The following DACH2 variants were observed in gnomAD, a reference collection of about 807,000 sequenced individuals.
The protein encoded by DACH2 is dachshund homolog 2.
In DACH2, 17 loss-of-function variants were observed where a neutral mutation model predicts 35.8. That is an observed-to-expected ratio of 0.48 (90% CI 0.33 to 0.71). The LOEUF (loss-of-function observed/expected upper bound fraction) is 0.71. Among genes scored for constraint, DACH2 ranks in the 30% least tolerant of loss-of-function variants. The pLI is 0.02. For missense variants in DACH2, 469 were observed against 472.7 expected, an observed-to-expected ratio of 0.99 and a Z score of 0.07; for synonymous variants, 195 against 177.3, an observed-to-expected ratio of 1.10 and a Z score of -0.79.
At chrX:86,468,206 AGGCACTAATACAGAATAT>A (rs1407607989) in intron 2 of DACH2, among the ~76,000 whole-genome samples, 3 of 111,967 alleles carry the variant, frequency 2.7e-5, no homozygotes, top group Non-Finnish European at 5.6e-5. Context: ...ATCAATGCTT[AGGCACTAATACAGAATAT>A]GGCAAAAAGA....
At chrX:86,347,923 T>C (rs2035524738) in intron 1 of DACH2, among the ~76,000 whole-genome samples, 1 of 112,184 alleles carries the variant, frequency 8.9e-6, no homozygotes, top group Non-Finnish European at 1.9e-5. Flanking sequence ...TTGCAGATCT[T>C]ATTTTCCCTC....
intron 2 of DACH2, among the ~76,000 whole-genome samples, chrX:86,493,823 CATA>C (rs2038128259): frequency 1.8e-5 from 2 of 111,886 alleles, no homozygotes; most frequent in Non-Finnish European, 1.9e-5. Context: ...ATAACAACTT[CATA>C]ATAATAATAC....
intron 1 of DACH2, among the ~76,000 whole-genome samples, chrX:86,361,030 C>A (rs994954030): frequency 1.8e-5 from 2 of 111,215 alleles, no homozygotes; most frequent in Admixed American, 1.9e-4. Context: ...ATAAAACCTG[C>A]AATAAACTTT....
At chrX:86,818,781 A>G (rs1417623758) in intron 11 of DACH2, among the ~76,000 whole-genome samples, 1 of 110,182 alleles carries the variant, frequency 9.1e-6, no homozygotes, top group Non-Finnish European at 1.9e-5. Flanking sequence ...TAGCTCTCCT[A>G]GATAGAAATC....
At chrX:86,832,060 C>G in intron 11 of DACH2, 46 bp from the exon 12 acceptor site, 1 of 930,705 alleles carries the variant, frequency 1.1e-6, no homozygotes, top group African/African-American at 1.9e-5. Flanking sequence ...AAGCACGTAT[C>G]AGAATGACTC....
At chrX:86,172,669 A>C (rs1381775716) in intron 1 of DACH2, among the ~76,000 whole-genome samples, 2 of 112,001 alleles carry the variant, frequency 1.8e-5, no homozygotes, top group Admixed American at 1.9e-4. Context: ...TGAGCAAACA[A>C]ATTTAATTAG....
chrX:86,702,822 T>C (rs2088191967), intron 5 of DACH2, among the ~76,000 whole-genome samples: 1 of 111,366 alleles, frequency 9.0e-6, no homozygotes, highest in African/African-American at 3.3e-5. Flanking sequence ...GCTAGATGGA[T>C]TGAAAGCCAA....
At chrX:86,468,577 A>G (rs2037711415) in intron 2 of DACH2, among the ~76,000 whole-genome samples, 1 of 111,859 alleles carries the variant, frequency 8.9e-6, no homozygotes, top group Non-Finnish European at 1.9e-5. Context: ...TTTCATGCTA[A>G]AGATATAAAC....
chrX:86,423,302 C>A (rs751891099), intron 2 of DACH2, among the ~76,000 whole-genome samples: 6 of 110,969 alleles, frequency 5.4e-5, no homozygotes, highest in African/African-American at 2.0e-4. Flanking sequence ...AGGAGGCTTT[C>A]CTTTACTCCA....
At chrX:86,228,627 T>A (rs963647660) in intron 1 of DACH2, among the ~76,000 whole-genome samples, 4 of 111,198 alleles carry the variant, frequency 3.6e-5, no homozygotes, top group African/African-American at 9.8e-5. Context: ...CAACATCTAC[T>A]GTTTTTTGAT....
At chrX:86,669,883 A>G (rs930930279) in intron 4 of DACH2, among the ~76,000 whole-genome samples, 18 of 111,145 alleles carry the variant, frequency 1.6e-4, no homozygotes, top group African/African-American at 5.9e-4. Context: ...TTTATTTGCT[A>G]TGATAACTAG....
Position 86,207,376 on chromosome X carries a change from G to A in DACH2, c.488+58268G>A, listed in dbSNP as rs538279037. Among the ~76,000 whole-genome samples, 3 of 110,973 alleles carry A rather than the reference G, an allele frequency of 2.7e-5. No individual in the cohort carries two copies. The South Asian group carries it at 1.1e-3, about 42-fold the overall frequency. On this transcript the variant is annotated intron_variant, in intron 1 of 11. Transcript: ENST00000373125. Reference sequence around the variant, plus strand: ...CATCATATTGCTTTGGCACTGGTGCGAGGATCATTTTAGTGGATGTATTGC... The same window carrying A: ...CATCATATTGCTTTGGCACTGGTGCAAGGATCATTTTAGTGGATGTATTGC...
rs182475073 is a variant in DACH2 at position 86,209,707 on chromosome X, G to A, written c.488+60599G>A. ...CCTTCACATGAGTGAGTGGAAGGAG[G>A]CTTAGAGGGAGGAGCTGGCCTCCTA... On this transcript the variant is annotated intron_variant, in intron 1 of 11. Transcript: ENST00000373125. Among the ~76,000 whole-genome samples the A allele has an allele frequency of 6.3e-5, 7 of 111,056 alleles. No homozygotes were observed. In the East Asian group the frequency reaches 2.0e-3, roughly 32 times the overall value.
intron 5 of DACH2, among the ~76,000 whole-genome samples, chrX:86,711,047 T>G (rs749341375): frequency 1.8e-5 from 2 of 112,111 alleles, no homozygotes; most frequent in East Asian, 2.8e-4. Context: ...ACATAAAAAT[T>G]ATAGGAGTTG....
In DACH2 at chrX:86,148,833, C is replaced by T. The variant is rs199943928; in HGVS notation, c.213C>T (p.Val71=). The change falls in exon 1 of 12, where the codon GTC becomes GTT. Residue 71 remains valine (V), a synonymous_variant. Coordinates refer to ENST00000373125, the MANE Select transcript of DACH2 (RefSeq NM_053281.3). ...CCAACACCAACGAGTGCCGCATGGT[C>T]GACATGCACGGGATGAAGGTGGCTT... ...GNTNTNECRM[V]DMHGMKVASF... is the part of the protein sequence containing the mutation. The T allele has an allele frequency of 2.0e-5, 24 of 1,209,549 alleles. No individual in the cohort carries two copies. In the East Asian group the frequency reaches 5.3e-4, roughly 27 times the overall value.
chrX:86,404,601 C>CT (rs1423413694), intron 2 of DACH2, among the ~76,000 whole-genome samples: 1 of 112,332 alleles, frequency 8.9e-6, no homozygotes, highest in Non-Finnish European at 1.9e-5. Context: ...TACAACCCTG[C>CT]TTCTGGCTGC....
At chrX:86,506,738 C>G (rs1602591515) in intron 2 of DACH2, among the ~76,000 whole-genome samples, 1 of 111,668 alleles carries the variant, frequency 9.0e-6, no homozygotes, top group Non-Finnish European at 1.9e-5. Flanking sequence ...ATTGGCTCAC[C>G]TGGACAATCT....
At chrX:86,160,826 C>A in intron 1 of DACH2, 1 of 492,171 alleles carries the variant, frequency 2.0e-6, no homozygotes. Flanking sequence ...AGGAGACCAC[C>A]ATACCGGGTT....
At chrX:86,607,610 A>ATTT (rs2148364652) in intron 3 of DACH2, among the ~76,000 whole-genome samples, 1 of 110,000 alleles carries the variant, frequency 9.1e-6, no homozygotes, top group African/African-American at 3.3e-5. Context: ...TATTATTATT[A>ATTT]TACTTTAAGT....
Sources: allele counts gnomAD v4.1 joint callset (sites outside exome capture counted in the v4.1 genomes callset), GRCh38; gene constraint gnomAD v4.1.1; transcripts MANE v1.5; gene names NCBI Gene and HGNC (gene_info 2026-07-23, HGNC 2026-07-21).